The following XRCC6 variants were observed in gnomAD, a reference collection of about 807,000 sequenced individuals.
XRCC6 encodes the protein DNA repair protein Ku70.
Under a neutral mutation model 65.7 loss-of-function variants are expected in XRCC6, and 5 were observed. The ratio of observed to expected loss-of-function variants is 0.08; its 90% CI spans 0.04 to 0.16. The LOEUF (loss-of-function observed/expected upper bound fraction) is 0.16, where lower values mean the gene tolerates loss of function less well. Among genes scored for constraint, XRCC6 ranks in the 10% least tolerant of loss-of-function variants. XRCC6 has a pLI of 1.00. For synonymous variants in XRCC6, 270 were observed against 270.6 expected, an observed-to-expected ratio of 1.00 and a Z score of 0.02; for missense variants, 447 against 738.1, an observed-to-expected ratio of 0.61 and a Z score of 4.57.
At chr22:41,658,550 G>C (rs1311247106) in intron 11 of XRCC6, among the ~76,000 whole-genome samples, 198 bp downstream of exon 11, 2 of 152,206 alleles carry the variant, frequency 1.3e-5, no homozygotes, top group Non-Finnish European at 2.9e-5. Flanking sequence ...GTGAGAGGAG[G>C]AGAGTGTCAG....
chr22:41,649,848 A>T (rs1171453918), intron 7 of XRCC6, among the ~76,000 whole-genome samples: 1 of 96,456 alleles, frequency 1.0e-5, no homozygotes, highest in Non-Finnish European at 2.7e-5. Flanking sequence ...CAAAAAAAAA[A>T]ATAATAATAA....
intron 3 of XRCC6, among the ~76,000 whole-genome samples, chr22:41,631,118 G>A (rs1334502818): frequency 4.0e-5 from 6 of 150,808 alleles, no homozygotes; most frequent in Admixed American, 2.0e-4. Flanking sequence ...CCTCCTGGAC[G>A]GGGCGGCTGG....
intron 6 of XRCC6, among the ~76,000 whole-genome samples, chr22:41,645,346 A>G (rs891068682): frequency 1.1e-4 from 17 of 152,016 alleles, no homozygotes; most frequent in East Asian, 9.6e-4. Context: ...AAAAAGGCTG[A>G]CCTTGACTAA....
intron 6 of XRCC6, among the ~76,000 whole-genome samples, chr22:41,638,309 C>T (rs1315405706): frequency 6.6e-6 from 1 of 152,084 alleles, no homozygotes; most frequent in African/African-American, 2.4e-5. Context: ...TGTCATTGTG[C>T]AAACATAGAG....
Position 41,646,937 on chromosome 22 carries a change from G to A in XRCC6, c.815G>A (p.Gly272Asp). The change falls in exon 7 of 13, where the codon GGC becomes GAC. Residue 272 changes from glycine to aspartate, a missense_variant. Physicochemically the swap from Gly to Asp is moderately conservative, Grantham distance 94. Around this residue, in one of 4 missense-constraint regions of XRCC6, gnomAD observed 14 missense variants for 23.8 expected, o/e 0.59. Transcript: ENST00000360079. ...KLNKDIVISV[G>D]IYNLVQKALK... is the part of the protein sequence containing the mutation. The stretch of plus-strand genomic sequence containing the variant: ...AACAAAGATATAGTGATCTCTGTGG[G>A]CATTTATAATCTGGTCCAGAAGGCT... The A allele has an allele frequency of 6.2e-7, 1 of 1,613,766 alleles. No individual in the cohort carries two copies. Among genetic ancestry groups the A allele is most frequent in the Non-Finnish European group, 8.5e-7 (1 of 1,179,872 alleles).
At chr22:41,639,465 C>G (rs2067850643) in intron 6 of XRCC6, among the ~76,000 whole-genome samples, 1 of 146,460 alleles carries the variant, frequency 6.8e-6, no homozygotes, top group Admixed American at 7.1e-5. Context: ...TTCTGAGTAA[C>G]TGGGACCACA....
intron 7 of XRCC6, among the ~76,000 whole-genome samples, chr22:41,650,513 T>C (rs1009151957): frequency 6.6e-6 from 1 of 152,164 alleles, no homozygotes; most frequent in South Asian, 2.1e-4. Context: ...CCTCTTGGGA[T>C]TGTTACAGAA....
At chr22:41,652,462 C>G (rs2068009567) in intron 8 of XRCC6, among the ~76,000 whole-genome samples, 2 of 151,374 alleles carry the variant, frequency 1.3e-5, no homozygotes, top group African/African-American at 4.9e-5. Flanking sequence ...AGCTCCCAGG[C>G]TCAGGTGATT....
chr22:41,653,459 T>C, intron 8 of XRCC6, 70 bp from the exon 9 acceptor site: 6 of 1,437,008 alleles, frequency 4.2e-6, no homozygotes, highest in Non-Finnish European at 5.6e-6. Flanking sequence ...GAAGAGAAAC[T>C]TTAGGGCTAA....
intron 11 of XRCC6, among the ~76,000 whole-genome samples, chr22:41,659,842 G>A (rs2070179713): frequency 6.6e-6 from 1 of 151,906 alleles, no homozygotes; most frequent in South Asian, 2.1e-4. Flanking sequence ...CCGCCACCAT[G>A]CCTGGCTGAT....
intron 10 of XRCC6, among the ~76,000 whole-genome samples, chr22:41,657,528 T>C (rs1483834636): frequency 1.4e-5 from 2 of 145,984 alleles, no homozygotes; most frequent in Non-Finnish European, 3.0e-5. Flanking sequence ...TTATTATTAT[T>C]ATTATTATTT....
chr22:41,651,202 G>T (rs1033302368), intron 8 of XRCC6, among the ~76,000 whole-genome samples: 1 of 151,898 alleles, frequency 6.6e-6, no homozygotes, highest in Non-Finnish European at 1.5e-5. Flanking sequence ...GGAGGCTGAC[G>T]CATGAAAATC....
chr22:41,633,914 A>C (rs1332959009), intron 3 of XRCC6, among the ~76,000 whole-genome samples: 1 of 152,186 alleles, frequency 6.6e-6, no homozygotes, highest in Non-Finnish European at 1.5e-5. Context: ...ACATTTTCTA[A>C]AATTCTGTTT....
At chr22:41,631,317 C>T (rs1481994293) in intron 3 of XRCC6, among the ~76,000 whole-genome samples, 1 of 151,208 alleles carries the variant, frequency 6.6e-6, no homozygotes, top group African/African-American at 2.4e-5. Flanking sequence ...CGGAGAGGCT[C>T]CTCACTTCCC....
At chr22:41,659,918 T>A (rs2068084087) in intron 11 of XRCC6, among the ~76,000 whole-genome samples, 1 of 151,950 alleles carries the variant, frequency 6.6e-6, no homozygotes, top group Non-Finnish European at 1.5e-5. Context: ...ACTCCTGACC[T>A]TAGGTGATCC....
chr22:41,621,397 T>G lies in XRCC6; in HGVS notation c.-16+52T>G, dbSNP rs529004245. ...TGTTCGCCAGCTAGGCCTGGCCTCG[T>G]CCCGCTTCGCTCGGTCGGTCTCGCG... On this transcript the variant is annotated intron_variant, in intron 1 of 12. Coordinates refer to ENST00000360079, the MANE Select transcript of XRCC6 (RefSeq NM_001469.5). 6 of 163,950 alleles carry G rather than the reference T, an allele frequency of 3.7e-5. No homozygotes were observed. In the East Asian group the frequency reaches 9.3e-4, roughly 26 times the overall value. 10.2% of individuals were successfully genotyped at this position (163,950 alleles called of 1,614,324 possible).
chr22:41,634,900 A>C (rs1406032595), intron 3 of XRCC6, among the ~76,000 whole-genome samples: 1 of 152,154 alleles, frequency 6.6e-6, no homozygotes, highest in Non-Finnish European at 1.5e-5. Context: ...GTTTATATAG[A>C]GGGGTAGACC....
Position 41,653,639 on chromosome 22 carries a change from G to A in XRCC6, c.1240G>A (p.Val414Met). The A allele has an allele frequency of 1.9e-6, 3 of 1,614,084 alleles. No individual in the cohort carries two copies. The highest frequency in any genetic ancestry group is 2.5e-6 in the Non-Finnish European group (3 of 1,179,990). Residue 414 changes from valine (V) to methionine (M), a missense_variant, in exon 9 of 13, where the codon GTG becomes ATG. Around this residue, in one of 4 missense-constraint regions of XRCC6, gnomAD observed 201 missense variants for 374.1 expected, o/e 0.54. Coordinates refer to ENST00000360079, the MANE Select transcript of XRCC6 (RefSeq NM_001469.5). ...CATCCCTCCTTATTTTGTGGCTTTGGTGCCACAGGAAGAAGAGTTGGATGA... is the reference window on the plus strand; with the variant it reads ...CATCCCTCCTTATTTTGTGGCTTTGATGCCACAGGAAGAAGAGTTGGATGA... ...RNIPPYFVAL[V>M]PQEEELDDQK...
rs1555906700 is a variant in XRCC6, at chr22:41,649,139, A to AATATAT, written c.961-1565_961-1560dup. 8.8e-4 allele frequency among the ~76,000 whole-genome samples: 78 copies of AATATAT among 88,710 alleles called. 1 individual carries two copies. The highest frequency in any genetic ancestry group is 1.5e-3 in the Non-Finnish European group (70 of 48,264). 58.2% of individuals were successfully genotyped at this position (88,710 alleles called of 152,430 possible). Reference sequence around the variant, plus strand: ...GGGAAGAGAGTACAAAAAAAAAAAAAATATATATATATATATATATATATG... The same window carrying AATATAT: ...GGGAAGAGAGTACAAAAAAAAAAAAAATATATATATATATATATATATATATATATG... On this transcript the variant is annotated intron_variant, in intron 7 of 12. Transcript: ENST00000360079.
Sources: gnomAD v4.1 joint callset for allele counts (sites outside exome capture counted in the v4.1 genomes callset) on GRCh38, gnomAD v4.1.1 for gene constraint, gnomAD v4.1.1 regional missense constraint, MANE v1.5 for transcripts, NCBI Gene and HGNC (gene_info 2026-07-23, HGNC 2026-07-21) for gene names.